The following PLCG2 variants were observed in gnomAD, a reference collection of about 807,000 sequenced individuals.
The protein encoded by PLCG2 is 1-phosphatidylinositol 4,5-bisphosphate phosphodiesterase gamma-2.
A neutral mutation model predicts 175.6 loss-of-function variants in PLCG2; 69 were observed. That is an observed-to-expected ratio of 0.39 (90% confidence interval 0.32 to 0.48). The LOEUF (loss-of-function observed/expected upper bound fraction) is 0.48, where lower values mean the gene tolerates loss of function less well. Ranked by LOEUF, PLCG2 falls within the 20% of genes least tolerant of loss-of-function variation. The pLI, the probability that PLCG2 is intolerant of heterozygous loss-of-function variation, is 0.91. For missense variants in PLCG2, 1,798 were observed against 1,650.9 expected, an observed-to-expected ratio of 1.09 and a Z score of -1.54; for synonymous variants, 827 against 624.0, an observed-to-expected ratio of 1.33 and a Z score of -4.85.
At chr16:81,739,916 T>C (rs1909547259) in intron 1 of PLCG2, among the ~76,000 whole-genome samples, 1 of 152,040 alleles carries the variant, frequency 6.6e-6, no homozygotes, top group Admixed American at 6.5e-5. Flanking sequence ...GGCAGGTGGA[T>C]CACTTGAGGT....
In PLCG2 at chr16:81,931,656, T is replaced by C; in HGVS notation, c.2739+2T>C. The C allele has an allele frequency of 6.2e-7, 1 of 1,613,262 alleles. No homozygotes were observed. The highest frequency in any genetic ancestry group is 8.5e-7 in the Non-Finnish European group (1 of 1,179,424). ...ATCACCTGGAAGATTGACACCAAGG[T>C]AGGCACCTGCTCACCCGGGTGCAGG... On this transcript the variant is annotated splice_donor_variant, in intron 25 of 32. Coordinates refer to ENST00000564138, the MANE Select transcript of PLCG2 (RefSeq NM_002661.5). LOFTEE classifies it high-confidence loss of function.
intron 1 of PLCG2, among the ~76,000 whole-genome samples, chr16:81,755,013 C>A (rs910362232): frequency 6.6e-6 from 1 of 151,904 alleles, no homozygotes. Flanking sequence ...CCTCTCTGAG[C>A]CCCCATTGCC....
chr16:81,768,552 G>GT (rs769292122), intron 2 of PLCG2, among the ~76,000 whole-genome samples: 36,178 of 102,896 alleles, frequency 0.35, 9,913 homozygotes, highest in Non-Finnish European at 0.41. Flanking sequence ...GTTATCCTCA[G>GT]TTTTTTTTTT....
At chr16:81,935,744 C>T (rs1210013782) in intron 26 of PLCG2, 1 of 985,344 alleles carries the variant, frequency 1.0e-6, no homozygotes, top group Non-Finnish European at 1.2e-6. Flanking sequence ...ACATTGCAAC[C>T]CTACCTGTGG....
chr16:81,762,581 A>T (rs1487118089), intron 2 of PLCG2, among the ~76,000 whole-genome samples: 2 of 152,114 alleles, frequency 1.3e-5, no homozygotes, highest in Non-Finnish European at 2.9e-5. Flanking sequence ...AAAAAAAAAA[A>T]GTGTATAAAA....
At chr16:81,884,117 G>A (rs1425858560) in intron 9 of PLCG2, among the ~76,000 whole-genome samples, 1 of 152,194 alleles carries the variant, frequency 6.6e-6, no homozygotes, top group Non-Finnish European at 1.5e-5. Context: ...TTGGGAGGCC[G>A]AGGCGGGCGG....
At chr16:81,776,399 G>A (rs906332338), upstream of PLCG2, among the ~76,000 whole-genome samples, 7 of 151,756 alleles carry the variant, frequency 4.6e-5, no homozygotes, top group South Asian at 2.1e-4. Flanking sequence ...GTGAGCCACC[G>A]CGCCCGGCTC....
rs1398999358 is a variant in PLCG2, at chr16:81,921,419, T to G, written c.2307+150T>G. ...TTTTTTTTTTTTTGAGAAGAAAGGA[T>G]GATTGATAATATCAAGCCTAGTTTC... On this transcript the variant is annotated intron_variant, in intron 21 of 32. Transcript: ENST00000564138. The G allele has an allele frequency of 8.7e-6, 6 of 689,514 alleles. 1 individual carries two copies. Among genetic ancestry groups the G allele is most frequent in the Middle Eastern group, 4.7e-4 (2 of 4,224 alleles). 42.7% of individuals were successfully genotyped at this position (689,514 alleles called of 1,614,324 possible). A position where few individuals can be genotyped will look rare whatever the true frequency, so the allele number is the denominator to read the frequency against.
intron 7 of PLCG2, among the ~76,000 whole-genome samples, chr16:81,872,843 A>T (rs764060666): frequency 6.6e-6 from 1 of 152,242 alleles, no homozygotes; most frequent in South Asian, 2.1e-4. Context: ...TTGTGAAGAC[A>T]GGCATTTTTA....
chr16:81,750,483 A>T (rs577458490), intron 1 of PLCG2, among the ~76,000 whole-genome samples: 18 of 151,530 alleles, frequency 1.2e-4, no homozygotes. Flanking sequence ...TACCCAAAAG[A>T]TTTGAAATCA....
At position 81,937,839 on chromosome 16, in the gene PLCG2, C is replaced by T; in HGVS notation, c.3134C>T (p.Thr1045Ile). 1 of 1,613,994 alleles carries T rather than the reference C, an allele frequency of 6.2e-7. No homozygotes were observed. Among genetic ancestry groups the T allele is most frequent in the South Asian group, 1.1e-5 (1 of 91,072 alleles). The change falls in exon 28 of 33, where the codon ACA (threonine) becomes ATA (isoleucine). Residue 1045 changes from threonine to isoleucine, a missense_variant. Thr to Ile is a moderately conservative substitution (Grantham distance 89). Coordinates refer to ENST00000564138, the MANE Select transcript of PLCG2 (RefSeq NM_002661.5). ...GTTCTGCAGCCTGAGAGCATGAGGA[C>T]AGAGAAATATGACCCGATGCCACCC... is the stretch of plus-strand genomic sequence containing the variant. Reference protein sequence around the residue: ...GYVLQPESMRTEKYDPMPPES... With the variant: ...GYVLQPESMRIEKYDPMPPES...
intron 1 of PLCG2, among the ~76,000 whole-genome samples, chr16:81,782,220 A>G (rs1363441351): frequency 9.0e-6 from 1 of 111,204 alleles, no homozygotes; most frequent in African/African-American, 3.6e-5. Flanking sequence ...CAAGAACATG[A>G]ATGAGCTTAT....
chr16:81,819,011 A>G lies in PLCG2; in HGVS notation c.193+32829A>G, dbSNP rs77709522. ...CTTATTTCATCCTTCTAGGCCCACC[A>G]TGAGGCAGGTGTAACTCCTTCAATT... is the stretch of plus-strand genomic sequence containing the variant. On this transcript the variant is annotated intron_variant, in intron 2 of 32. Coordinates refer to ENST00000564138, the MANE Select transcript of PLCG2 (RefSeq NM_002661.5). 1.2e-3 allele frequency among the ~76,000 whole-genome samples: 189 copies of G among 151,268 alleles called. 6 individuals carry two copies. The East Asian group carries it at 0.035, about 28-fold the overall frequency.
intron 2 of PLCG2, among the ~76,000 whole-genome samples, chr16:81,795,443 T>G (rs1354191430): frequency 3.9e-5 from 6 of 152,174 alleles, no homozygotes; most frequent in Admixed American, 2.6e-4. Context: ...GTAGCCTAAT[T>G]GCAGTAACAA....
intron 5 of PLCG2, among the ~76,000 whole-genome samples, chr16:81,864,954 C>T (rs1199156858): frequency 6.6e-6 from 1 of 152,116 alleles, no homozygotes; most frequent in East Asian, 1.9e-4. Context: ...TGTTTCCTAA[C>T]CCACAGCCCT....
chr16:81,746,398 C>T (rs1431289355), intron 1 of PLCG2, among the ~76,000 whole-genome samples: 1 of 152,166 alleles, frequency 6.6e-6, no homozygotes, highest in Non-Finnish European at 1.5e-5. Context: ...GGTGAACGCA[C>T]TGCATTCTGG....
chr16:81,900,934 C>G (rs1032710313), intron 14 of PLCG2, among the ~76,000 whole-genome samples, 154 bp downstream of exon 14: 1 of 152,318 alleles, frequency 6.6e-6, no homozygotes, highest in East Asian at 1.9e-4. Flanking sequence ...AACACTGTGA[C>G]CTTAGGCAAA....
chr16:81,808,886 G>T (rs1185094094), intron 2 of PLCG2, among the ~76,000 whole-genome samples: 1 of 152,200 alleles, frequency 6.6e-6, no homozygotes, highest in South Asian at 2.1e-4. Context: ...GCATGCTGGA[G>T]GGGCTCCCAT....
At chr16:81,942,244 T>A (rs993295655) in intron 30 of PLCG2, among the ~76,000 whole-genome samples, 1 of 152,212 alleles carries the variant, frequency 6.6e-6, no homozygotes, top group Non-Finnish European at 1.5e-5. Context: ...ATGTCAGAGT[T>A]GATGATAAAA....
Sources: allele counts gnomAD v4.1 joint callset (sites outside exome capture counted in the v4.1 genomes callset), GRCh38; gene constraint gnomAD v4.1.1; transcripts MANE v1.5; gene names NCBI Gene and HGNC (gene_info 2026-07-23, HGNC 2026-07-21).